SGCZ: variants seen among roughly 807,000 people sequenced by gnomAD.
The protein encoded by SGCZ is sarcoglycan zeta.
Under a neutral mutation model 41.3 loss-of-function variants are expected in SGCZ, and 40 were observed. The ratio of observed to expected loss-of-function variants is 0.97; its 90% CI spans 0.75 to 1.26. The LOEUF is 1.26. SGCZ is among the 50% of genes most tolerant of loss of function. The pLI is 0.00. For missense variants in SGCZ, 552 were observed against 369.8 expected (o/e 1.49, Z -4.04); for synonymous variants, 206 against 137.5 (o/e 1.50, Z -3.49).
At chr8:14,095,231 T>C (rs147127738) in intron 7 of SGCZ, among the ~76,000 whole-genome samples, 2 of 152,292 alleles carry the variant, frequency 1.3e-5, no homozygotes, top group African/African-American at 4.8e-5. Flanking sequence ...ATTGCCTAAG[T>C]TTTCTTCTAG....
intron 1 of SGCZ, among the ~76,000 whole-genome samples, chr8:14,831,886 G>GTA (rs1039132666): frequency 7.4e-6 from 1 of 135,628 alleles, no homozygotes; most frequent in Non-Finnish European, 1.6e-5. Context: ...GTATATACTT[G>GTA]TATATATATG....
chr8:14,162,378 T>C (rs1563161061), intron 5 of SGCZ, among the ~76,000 whole-genome samples: 1 of 152,148 alleles, frequency 6.6e-6, no homozygotes, highest in Non-Finnish European at 1.5e-5. Flanking sequence ...TGATGACCAG[T>C]AAGCATTACC....
intron 4 of SGCZ, among the ~76,000 whole-genome samples, chr8:14,219,559 C>A (rs1414402365): frequency 2.0e-5 from 3 of 152,040 alleles, no homozygotes; most frequent in South Asian, 2.1e-4. Flanking sequence ...CCAGCCTGGC[C>A]AACATGATGA....
intron 2 of SGCZ, among the ~76,000 whole-genome samples, chr8:14,480,486 C>A (rs1801505092): frequency 6.6e-6 from 1 of 152,142 alleles, no homozygotes; most frequent in South Asian, 2.1e-4. Context: ...TTGCTACACA[C>A]CAACAGTACT....
intron 2 of SGCZ, among the ~76,000 whole-genome samples, chr8:14,371,935 G>A (rs928980453): frequency 1.3e-5 from 2 of 152,044 alleles, no homozygotes; most frequent in Non-Finnish European, 2.9e-5. Flanking sequence ...ATAAACTAGA[G>A]ATCAATATGG....
intron 2 of SGCZ, among the ~76,000 whole-genome samples, chr8:14,369,295 A>G (rs1466382753): frequency 6.6e-6 from 1 of 151,926 alleles, no homozygotes; most frequent in Non-Finnish European, 1.5e-5. Flanking sequence ...CTCAGTCTGG[A>G]ACCTTTTTTG....
intron 1 of SGCZ, among the ~76,000 whole-genome samples, chr8:14,983,299 G>T (rs1256629255): frequency 1.3e-5 from 2 of 151,690 alleles, no homozygotes; most frequent in Non-Finnish European, 2.9e-5. Context: ...GTAGGCTTAA[G>T]GGATCTTCCT....
At chr8:14,846,228 T>C (rs1416231536) in intron 1 of SGCZ, among the ~76,000 whole-genome samples, 1 of 152,112 alleles carries the variant, frequency 6.6e-6, no homozygotes, top group Non-Finnish European at 1.5e-5. Flanking sequence ...AATATCTATG[T>C]TGGAAAGGAA....
At chr8:14,631,150 C>T (rs929902552) in intron 1 of SGCZ, among the ~76,000 whole-genome samples, 2 of 151,920 alleles carry the variant, frequency 1.3e-5, no homozygotes, top group Non-Finnish European at 2.9e-5. Flanking sequence ...CTATTCATTG[C>T]GCCACTCGAA....
chr8:15,007,699 G>A (rs992578291), intron 1 of SGCZ, among the ~76,000 whole-genome samples: 11 of 152,138 alleles, frequency 7.2e-5, no homozygotes, highest in Non-Finnish European at 1.5e-4. Flanking sequence ...GGAATTCTTA[G>A]CATGCATGTG....
chr8:14,362,399 A>G (rs970543675), intron 2 of SGCZ, among the ~76,000 whole-genome samples: 1 of 152,156 alleles, frequency 6.6e-6, no homozygotes, highest in Non-Finnish European at 1.5e-5. Flanking sequence ...AGCCTCAGCA[A>G]TGGTGGACGC....
chr8:15,135,284 T>G (rs1049610668), intron 1 of SGCZ, among the ~76,000 whole-genome samples: 4 of 152,134 alleles, frequency 2.6e-5, no homozygotes, highest in African/African-American at 9.7e-5. Flanking sequence ...GCTGAAAACT[T>G]TTGGGTAAAT....
At chr8:14,520,041 G>A (rs1473148528) in intron 2 of SGCZ, among the ~76,000 whole-genome samples, 1 of 151,842 alleles carries the variant, frequency 6.6e-6, no homozygotes, top group East Asian at 1.9e-4. Context: ...TTAACCATGA[G>A]AAATATATTT....
intron 1 of SGCZ, among the ~76,000 whole-genome samples, chr8:14,991,630 G>T (rs956016553): frequency 6.6e-6 from 1 of 152,024 alleles, no homozygotes; most frequent in African/African-American, 2.4e-5. Context: ...TCATCTTCTA[G>T]AATTCCTTGT....
chr8:14,826,621 C>T (rs1012175079), intron 1 of SGCZ, among the ~76,000 whole-genome samples: 1 of 152,078 alleles, frequency 6.6e-6, no homozygotes, highest in Non-Finnish European at 1.5e-5. Context: ...TTAATGATCG[C>T]CATTCTAACT....
At chr8:14,851,219 A>G (rs1803309425) in intron 1 of SGCZ, among the ~76,000 whole-genome samples, 1 of 151,908 alleles carries the variant, frequency 6.6e-6, no homozygotes, top group Non-Finnish European at 1.5e-5. Flanking sequence ...AATACAAAAA[A>G]TTAGCCAGGC....
chr8:14,762,505 A>T (rs537958187), intron 1 of SGCZ, among the ~76,000 whole-genome samples: 1 of 152,338 alleles, frequency 6.6e-6, no homozygotes, highest in East Asian at 1.9e-4. Context: ...CACAGCGCCC[A>T]ACATATAGTA....
intron 1 of SGCZ, among the ~76,000 whole-genome samples, chr8:14,769,100 A>T (rs1800141878): frequency 2.0e-5 from 3 of 152,234 alleles, no homozygotes; most frequent in South Asian, 2.1e-4. Flanking sequence ...ATGAAAATAA[A>T]TCCGCCGAAT....
chr8:14,919,912 T>C (rs1201336642), intron 1 of SGCZ, among the ~76,000 whole-genome samples: 2 of 152,164 alleles, frequency 1.3e-5, no homozygotes, highest in African/African-American at 4.8e-5. Flanking sequence ...AGTGAGACTC[T>C]GTTTTTTTTG....
Sources: allele counts gnomAD v4.1 joint callset (sites outside exome capture counted in the v4.1 genomes callset), GRCh38; gene constraint gnomAD v4.1.1; transcripts MANE v1.5; gene names NCBI Gene and HGNC (gene_info 2026-07-23, HGNC 2026-07-21).